Variants in SEZ6L observed in about 807,000 individuals in gnomAD.
The protein encoded by SEZ6L is seizure related 6 homolog like, also known as seizure 6-like protein.
SEZ6L carries 37 observed loss-of-function variants against 106.2 expected under a neutral mutation model. The ratio of observed to expected loss-of-function variants is 0.35; its 90% CI spans 0.27 to 0.46. SEZ6L has a LOEUF of 0.46. Ranked by LOEUF, SEZ6L falls within the 20% of genes least tolerant of loss-of-function variation. SEZ6L has a pLI of 1.00. For missense variants in SEZ6L, 1,172 were observed against 1,332.8 expected (o/e 0.88, Z 1.88); for synonymous variants, 541 against 570.4 (o/e 0.95, Z 0.73).
intron 12 of SEZ6L, among the ~76,000 whole-genome samples, chr22:26,362,343 C>T (rs1005914827): frequency 1.3e-5 from 2 of 152,248 alleles, no homozygotes; most frequent in African/African-American, 4.8e-5. Flanking sequence ...GGCCAAGTGT[C>T]AGCTGAACCA....
intron 1 of SEZ6L, among the ~76,000 whole-genome samples, chr22:26,234,249 T>C (rs2078888915): frequency 6.6e-6 from 1 of 152,134 alleles, no homozygotes; most frequent in Admixed American, 6.5e-5. Context: ...GAAAGACAGA[T>C]TGGCCCGAAT....
intron 1 of SEZ6L, among the ~76,000 whole-genome samples, chr22:26,276,849 T>C (rs2145849791): frequency 6.6e-6 from 1 of 152,324 alleles, no homozygotes; most frequent in East Asian, 1.9e-4. Context: ...TTGGCATTGA[T>C]GTCAGCCACA....
At chr22:26,195,661 G>T (rs1940525906) in intron 1 of SEZ6L, among the ~76,000 whole-genome samples, 1 of 152,092 alleles carries the variant, frequency 6.6e-6, no homozygotes. Flanking sequence ...AATGGATGTG[G>T]TCTCCATGCT....
chr22:26,329,262 G>A (rs541337418), intron 9 of SEZ6L, among the ~76,000 whole-genome samples: 51 of 152,250 alleles, frequency 3.3e-4, no homozygotes, highest in Middle Eastern at 3.4e-3. Context: ...GAGGTCAAGA[G>A]TTCAAGACCA....
intron 9 of SEZ6L, among the ~76,000 whole-genome samples, chr22:26,320,601 A>G (rs1249403430): frequency 6.6e-6 from 1 of 152,218 alleles, no homozygotes; most frequent in Non-Finnish European, 1.5e-5. Context: ...CCTGGCAGTG[A>G]GCAAGACAGA....
At chr22:26,198,037 G>A (rs1012231809) in intron 1 of SEZ6L, among the ~76,000 whole-genome samples, 1 of 152,136 alleles carries the variant, frequency 6.6e-6, no homozygotes, top group Non-Finnish European at 1.5e-5. Context: ...GATGGACTGG[G>A]GCAAAAGGAG....
chr22:26,171,398 T>C (rs1298633225), intron 1 of SEZ6L, among the ~76,000 whole-genome samples: 1 of 152,072 alleles, frequency 6.6e-6, no homozygotes, highest in East Asian at 1.9e-4. Context: ...GAATCTGTGT[T>C]GTGACTAACA....
intron 9 of SEZ6L, among the ~76,000 whole-genome samples, chr22:26,336,710 A>T (rs920468302): frequency 1.3e-5 from 2 of 152,068 alleles, no homozygotes; most frequent in Non-Finnish European, 2.9e-5. Flanking sequence ...TTTGGACTAG[A>T]TACTTTTTTG....
intron 13 of SEZ6L, among the ~76,000 whole-genome samples, chr22:26,368,812 G>C (rs536983229): frequency 7.2e-5 from 11 of 151,994 alleles, no homozygotes; most frequent in African/African-American, 2.7e-4. Flanking sequence ...AGATAGGTGA[G>C]CCATCTTACC....
At chr22:26,215,422 C>CTT (rs1032491773) in intron 1 of SEZ6L, among the ~76,000 whole-genome samples, 1 of 152,182 alleles carries the variant, frequency 6.6e-6, no homozygotes, top group Non-Finnish European at 1.5e-5. Flanking sequence ...TCCTGGTCTT[C>CTT]TTTTTCCTTG....
chr22:26,325,186 G>A (rs925889634), intron 9 of SEZ6L, among the ~76,000 whole-genome samples: 9 of 152,210 alleles, frequency 5.9e-5, no homozygotes, highest in African/African-American at 2.2e-4. Flanking sequence ...AAGTGGCACA[G>A]CCGCACGTCT....
intron 1 of SEZ6L, among the ~76,000 whole-genome samples, chr22:26,261,084 GT>G (rs59476162): frequency 6.6e-6 from 1 of 151,980 alleles, no homozygotes; most frequent in African/African-American, 2.4e-5. Context: ...GGGATTATTT[GT>G]TTTTTTCTTG....
chr22:26,215,889 A>G (rs1157659426), intron 1 of SEZ6L, among the ~76,000 whole-genome samples: 2 of 152,202 alleles, frequency 1.3e-5, no homozygotes, highest in African/African-American at 4.8e-5. Flanking sequence ...TCTACAGAGC[A>G]GTGTGAACAG....
chr22:26,322,435 TAGCCATAAACAGAC>T (rs1367950232), intron 9 of SEZ6L, among the ~76,000 whole-genome samples: 3 of 152,062 alleles, frequency 2.0e-5, no homozygotes, highest in Non-Finnish European at 2.9e-5. Flanking sequence ...AAGGGACACA[TAGCCATAAACAGAC>T]AGCCTGGCAA....
chr22:26,202,442 TAGAC>T (rs1247837485), intron 1 of SEZ6L, among the ~76,000 whole-genome samples: 1 of 152,166 alleles, frequency 6.6e-6, no homozygotes, highest in African/African-American at 2.4e-5. Flanking sequence ...CATTCCCTAA[TAGAC>T]AGTGAAGGAG....
rs1337833740 is a variant in SEZ6L at position 26,383,049 on chromosome 22, GC to G, written c.*2755del. On this transcript the variant is annotated 3_prime_UTR_variant, in exon 17 of 17. Transcript: ENST00000248933. ...AAATGCACACACTCAACCCTCTTTA[GC>G]TTGGAGCTCAGCTTTTTGCTTTTTT... 1 of 146,990 alleles carries G rather than the reference GC, an allele frequency of 6.8e-6. No homozygotes were observed. Among genetic ancestry groups the G allele is most frequent in the African/African-American group, 2.5e-5 (1 of 40,038 alleles). The allele number at this position is 146,990 out of a possible 1,614,324, so 9.1% of individuals were successfully genotyped here. A position where few individuals can be genotyped will look rare whatever the true frequency, so the allele number is the denominator to read the frequency against.
chr22:26,188,093 G>A (rs185252506), intron 1 of SEZ6L, among the ~76,000 whole-genome samples: 17 of 152,168 alleles, frequency 1.1e-4, no homozygotes, highest in Admixed American at 3.3e-4. Context: ...CTGAGAACTG[G>A]GACCCTTCCT....
At chr22:26,270,838 C>T (rs2080341336) in intron 1 of SEZ6L, among the ~76,000 whole-genome samples, 1 of 152,156 alleles carries the variant, frequency 6.6e-6, no homozygotes, top group African/African-American at 2.4e-5. Flanking sequence ...ACCTGCTCCC[C>T]AGCCTCGAGC....
chr22:26,255,929 T>C (rs1243301119), intron 1 of SEZ6L, among the ~76,000 whole-genome samples: 2 of 152,150 alleles, frequency 1.3e-5, no homozygotes, highest in African/African-American at 4.8e-5. Context: ...TGTGAGATCT[T>C]TAGTGTTGGA....
Sources: gnomAD v4.1 joint callset for allele counts (sites outside exome capture counted in the v4.1 genomes callset) on GRCh38, gnomAD v4.1.1 for gene constraint, MANE v1.5 for transcripts, NCBI Gene and HGNC (gene_info 2026-07-23, HGNC 2026-07-21) for gene names.